STK32B: variants seen among roughly 807,000 people sequenced by gnomAD.
The protein encoded by STK32B is serine/threonine kinase 32B.
In STK32B, 43 loss-of-function variants were observed where a neutral mutation model predicts 52.6. That is an observed-to-expected ratio of 0.82 (90% CI 0.64 to 1.05). The LOEUF (loss-of-function observed/expected upper bound fraction) is 1.05, where lower values mean the gene tolerates loss of function less well. STK32B is among the 50% of genes least tolerant of loss of function. The probability of loss-of-function intolerance (pLI) is 0.00; values close to 1 mark genes in which losing one functional copy is unlikely to be tolerated. For missense variants in STK32B, 621 were observed against 534.6 expected, an observed-to-expected ratio of 1.16 and a Z score of -1.59; for synonymous variants, 238 against 204.3, an observed-to-expected ratio of 1.17 and a Z score of -1.41.
chr4:5,481,034 A>C (rs1718657643), intron 11 of STK32B, among the ~76,000 whole-genome samples: 1 of 152,188 alleles, frequency 6.6e-6, no homozygotes, highest in Non-Finnish European at 1.5e-5. Flanking sequence ...ACAGTGCCAC[A>C]ATAAACATAC....
At chr4:5,069,288 G>A (rs1268615011) in intron 1 of STK32B, among the ~76,000 whole-genome samples, 2 of 150,160 alleles carry the variant, frequency 1.3e-5, no homozygotes, top group South Asian at 2.1e-4. Context: ...CACCTCCCAG[G>A]TTCACAATGG....
rs141748481 is a variant in STK32B at position 5,499,029 on chromosome 4, C to T, written c.1191C>T (p.Asp397=). 3.5e-5 allele frequency: 56 copies of T among 1,613,826 alleles called. No individual in the cohort carries two copies. Among genetic ancestry groups the T allele is most frequent in the African/African-American group, 2.9e-4 (22 of 75,048 alleles). Reference sequence around the variant, plus strand: ...GCCAGGCCCAAAGCAAGCTCCAGGACGGGTGCAACAACAACCTCCTCACCC... The same window carrying T: ...GCCAGGCCCAAAGCAAGCTCCAGGATGGGTGCAACAACAACCTCCTCACCC... ...GGGQAQSKLQ[D]GCNNNLLTHT... Residue 397 remains aspartate (D), a synonymous_variant, in exon 12 of 12, where the codon GAC becomes GAT. Coordinates refer to ENST00000282908, the MANE Select transcript of STK32B (RefSeq NM_018401.3).
intron 4 of STK32B, among the ~76,000 whole-genome samples, chr4:5,358,922 C>G (rs1345971415): frequency 1.3e-5 from 2 of 152,132 alleles, no homozygotes; most frequent in East Asian, 3.9e-4. Flanking sequence ...TGGGCTCATA[C>G]AGAAGCTGAG....
chr4:5,201,754 CTT>C (rs1722167738), intron 3 of STK32B, among the ~76,000 whole-genome samples: 1 of 152,134 alleles, frequency 6.6e-6, no homozygotes, highest in Non-Finnish European at 1.5e-5. Context: ...GAGCCAAACA[CTT>C]TTAAACCATC....
intron 3 of STK32B, among the ~76,000 whole-genome samples, chr4:5,269,829 A>C (rs1727304993): frequency 6.6e-6 from 1 of 152,152 alleles, no homozygotes; most frequent in Admixed American, 6.5e-5. Flanking sequence ...ATATAAGAAA[A>C]CTGTAGACTG....
chr4:5,463,746 G>C (rs961627329), intron 9 of STK32B, among the ~76,000 whole-genome samples: 1 of 152,110 alleles, frequency 6.6e-6, no homozygotes, highest in Non-Finnish European at 1.5e-5. Flanking sequence ...CTCTGGCTGT[G>C]CTGTCTCCTA....
chr4:5,492,404 G>C (rs1719814867), intron 11 of STK32B, among the ~76,000 whole-genome samples: 1 of 152,168 alleles, frequency 6.6e-6, no homozygotes, highest in Admixed American at 6.5e-5. Flanking sequence ...AAGAATGCTT[G>C]TGATTTTTGT....
chr4:5,026,905 A>G, the STK32B span, among the ~76,000 whole-genome samples: 1 of 152,224 alleles, frequency 6.6e-6, no homozygotes, highest in East Asian at 1.9e-4. Flanking sequence ...TTTAGAAAAC[A>G]TTGCACTAGA....
At position 5,393,099 on chromosome 4, in the gene STK32B, G is replaced by A. The variant is rs1168300254; in HGVS notation, c.435-5108G>A. ...CCCACATCAGCTTGCTGATGGATGG[G>A]TGCCAAGTCCCATTCAAGTTGGCTA... is the stretch of plus-strand genomic sequence containing the variant. On this transcript the variant is annotated intron_variant, in intron 4 of 11. Transcript: ENST00000282908. Among the ~76,000 whole-genome samples the A allele has an allele frequency of 2.6e-5, 4 of 152,172 alleles. No individual in the cohort carries two copies. The East Asian group carries it at 7.7e-4, about 29-fold the overall frequency.
Position 5,115,589 on chromosome 4 carries a change from T to G in STK32B, c.53-24316T>G, listed in dbSNP as rs770562232. Among the ~76,000 whole-genome samples, 5 of 152,236 alleles carry G rather than the reference T, an allele frequency of 3.3e-5. No homozygotes were observed. In the East Asian group the frequency reaches 9.7e-4, roughly 29 times the overall value. On this transcript the variant is annotated intron_variant, in intron 1 of 11. Coordinates refer to ENST00000282908, the MANE Select transcript of STK32B (RefSeq NM_018401.3). ...GCTTCCTTGAGGGCAACTGGAGAAGTGTAACCTGGGCAGTTATCCACACAG... is the reference window on the plus strand; with the variant it reads ...GCTTCCTTGAGGGCAACTGGAGAAGGGTAACCTGGGCAGTTATCCACACAG...
At chr4:5,483,907 T>A (rs1277416948) in intron 11 of STK32B, among the ~76,000 whole-genome samples, 1 of 152,122 alleles carries the variant, frequency 6.6e-6, no homozygotes, top group African/African-American at 2.4e-5. Flanking sequence ...TTTGAGTGAG[T>A]TTCTTAATTC....
intron 1 of STK32B, among the ~76,000 whole-genome samples, chr4:5,116,612 A>T (rs905688424): frequency 6.6e-6 from 1 of 152,118 alleles, no homozygotes; most frequent in Non-Finnish European, 1.5e-5. Context: ...AGGTTGCTTT[A>T]ACTAGTTGGG....
chr4:5,020,484 T>C, the STK32B span, among the ~76,000 whole-genome samples: 2 of 152,148 alleles, frequency 1.3e-5, no homozygotes, highest in East Asian at 3.9e-4. Context: ...CCAGCAATTG[T>C]CTCTGTGAGG....
intron 4 of STK32B, among the ~76,000 whole-genome samples, chr4:5,388,515 A>G (rs1736399643): frequency 6.6e-6 from 1 of 152,194 alleles, no homozygotes; most frequent in South Asian, 2.1e-4. Context: ...GCTGCCTTGC[A>G]GTCACTGCAG....
intron 4 of STK32B, among the ~76,000 whole-genome samples, chr4:5,383,238 A>G (rs906718349): frequency 6.6e-6 from 1 of 152,056 alleles, no homozygotes; most frequent in Admixed American, 6.5e-5. Flanking sequence ...TGACTCCCAC[A>G]TACGTATTCA....
At chr4:5,456,452 T>A (rs1298882448) in intron 7 of STK32B, among the ~76,000 whole-genome samples, 2 of 152,168 alleles carry the variant, frequency 1.3e-5, no homozygotes, top group African/African-American at 2.4e-5. Flanking sequence ...CGTGGGTGCC[T>A]GGTGGACGGC....
At chr4:5,372,753 T>G (rs1735337058) in intron 4 of STK32B, among the ~76,000 whole-genome samples, 1 of 150,046 alleles carries the variant, frequency 6.7e-6, no homozygotes, top group African/African-American at 2.5e-5. Flanking sequence ...GACTAATAGG[T>G]CCAGCTCTTC....
chr4:5,145,939 G>A (rs1260103127), intron 2 of STK32B, among the ~76,000 whole-genome samples: 1 of 152,080 alleles, frequency 6.6e-6, no homozygotes, highest in Non-Finnish European at 1.5e-5. Flanking sequence ...TCAATTCACA[G>A]AGATATTTTT....
intron 2 of STK32B, among the ~76,000 whole-genome samples, chr4:5,149,046 T>C (rs977294447): frequency 6.6e-6 from 1 of 151,868 alleles, no homozygotes; most frequent in Non-Finnish European, 1.5e-5. Context: ...AATCTACTTA[T>C]GCTTATTGCG....
Sources: allele counts gnomAD v4.1 joint callset (sites outside exome capture counted in the v4.1 genomes callset), GRCh38; gene constraint gnomAD v4.1.1; transcripts MANE v1.5; gene names NCBI Gene and HGNC (gene_info 2026-07-23, HGNC 2026-07-21).